Variants in SZT2 observed in about 807,000 individuals in gnomAD.
The protein encoded by SZT2 is SZT2 subunit of KICSTOR complex.
In SZT2, 216 loss-of-function variants were observed where a neutral mutation model predicts 404.2. The observed-to-expected ratio is 0.53, with a 90% CI of 0.48 to 0.60. SZT2 has a LOEUF of 0.60. Ranked by LOEUF, SZT2 falls within the 20% of genes least tolerant of loss-of-function variation. SZT2 has a pLI of 0.00. For missense variants in SZT2, 3,857 were observed against 4,459.2 expected, an observed-to-expected ratio of 0.86 and a Z score of 3.85; for synonymous variants, 1,693 against 1,749.9, an observed-to-expected ratio of 0.97 and a Z score of 0.81.
At chr1:43,438,107 TG>T (rs1253819415) in intron 46 of SZT2, 7 of 557,012 alleles carry the variant, frequency 1.3e-5, no homozygotes, top group Non-Finnish European at 1.9e-5. Flanking sequence ...TACTCTGCCC[TG>T]GGTCCCTCCT....
intron 41 of SZT2, among the ~76,000 whole-genome samples, chr1:43,434,941 A>T (rs920724438): frequency 2.0e-5 from 3 of 152,240 alleles, no homozygotes; most frequent in African/African-American, 7.2e-5. Context: ...TATCAGGGAA[A>T]GCTTCTTAGA....
Position 43,428,607 on chromosome 1 carries a change from G to C in SZT2, c.4166+121G>C, listed in dbSNP as rs187128051. The C allele has an allele frequency of 3.1e-5, 44 of 1,397,132 alleles. No homozygotes were observed. In the African/African-American group the frequency reaches 6.1e-4, roughly 20 times the overall value. 86.5% of individuals were successfully genotyped at this position (1,397,132 alleles called of 1,614,324 possible). A position where few individuals can be genotyped will look rare whatever the true frequency, so the allele number is the denominator to read the frequency against. On this transcript the variant is annotated intron_variant, in intron 28 of 71. Transcript: ENST00000634258. ...GTATCTAAGCACCTGAGAAGCAGTA[G>C]TGCTTTGTCGCCGGCTCACGGACTC... is the stretch of plus-strand genomic sequence containing the variant.
chr1:43,404,726 T>C, intron 4 of SZT2, 176 bp downstream of exon 4: 1 of 617,026 alleles, frequency 1.6e-6, no homozygotes, highest in South Asian at 2.5e-5. Context: ...AACCAGTTCC[T>C]CTGGACTTAA....
Position 43,447,080 on chromosome 1 carries a change from G to T in SZT2, c.9198G>T (p.Arg3066=). ...QHVLGAHLVL[R]HGYHLTTFLR... is the part of the protein sequence containing the mutation. ...TGCTAGGTGCCCATCTGGTGCTGCG[G>T]CACGGCTACCACCTCACCACCTTTC... The change falls in exon 66 of 72, where the codon CGG becomes CGT. Residue 3066 remains arginine, a synonymous_variant. Transcript: ENST00000634258. 6.2e-7 allele frequency: 1 copy of T among 1,613,952 alleles called. No individual in the cohort carries two copies. The highest frequency in any genetic ancestry group is 2.2e-5 in the East Asian group (1 of 44,888).
Position 43,439,925 on chromosome 1 carries a change from G to A in SZT2, c.7087G>A (p.Gly2363Arg), listed in dbSNP as rs1557587748. The A allele has an allele frequency of 6.2e-7, 1 of 1,612,152 alleles. No homozygotes were observed. Among genetic ancestry groups the A allele is most frequent in the Admixed American group, 1.7e-5 (1 of 59,752 alleles). Residue 2363 changes from glycine to arginine, a missense_variant, in exon 51 of 72, where the codon GGG becomes AGG. By Grantham distance (125) the Gly-to-Arg change is moderately radical. This residue lies in a region of SZT2 where 573 missense variants were observed against 592.4 expected (regional missense o/e 0.97). Transcript: ENST00000634258. The surrounding 1 kb of genome is among the most constrained non-coding windows in gnomAD (Gnocchi z 4.2). ...PRLRLDVWEK[G>R]NISIVQLEEK... Reference sequence around the variant, plus strand: ...GCTTCGATTGGATGTGTGGGAAAAGGGGAACATTAGTATTGTGCAGCTGGA... The same window carrying A: ...GCTTCGATTGGATGTGTGGGAAAAGAGGAACATTAGTATTGTGCAGCTGGA...
chr1:43,404,273 G>C, intron 3 of SZT2, 107 bp from the exon 4 acceptor site: 1 of 941,814 alleles, frequency 1.1e-6, no homozygotes, highest in Admixed American at 2.3e-5. Flanking sequence ...TTGGGTGTGC[G>C]ATCATCCATA....
At chr1:43,432,234 G>A in intron 36 of SZT2, 38 bp from the exon 37 acceptor site, 2 of 1,521,590 alleles carry the variant, frequency 1.3e-6, no homozygotes, top group Non-Finnish European at 1.8e-6. Flanking sequence ...AGGGAGGACT[G>A]CCCTGCCTAA....
chr1:43,427,509 C>T lies in SZT2; in HGVS notation c.3599-21C>T, dbSNP rs202089608. Reference sequence around the variant, plus strand: ...GGAAACAGATAGAGCTGGAAGACCACGTGACACCTTTTCTTCACAGACAAT... The same window carrying T: ...GGAAACAGATAGAGCTGGAAGACCATGTGACACCTTTTCTTCACAGACAAT... On this transcript the variant is annotated intron_variant, in intron 25 of 71. Coordinates refer to ENST00000634258, the MANE Select transcript of SZT2 (RefSeq NM_001365999.1). The T allele has an allele frequency of 1.2e-4, 198 of 1,614,050 alleles. 1 individual carries two copies. Among genetic ancestry groups the T allele is most frequent in the Middle Eastern group, 6.6e-4 (4 of 6,062 alleles).
Position 43,448,484 on chromosome 1 carries a change from G to C in SZT2, c.9969G>C (p.Leu3323=). ...AKSIGDIDPQ[L]DCFLSMTVSW... Reference sequence around the variant, plus strand: ...CCATTGGGGACATCGACCCCCAGCTGGTAAGGAACTGTGGGCTCCCGAAAG... The same window carrying C: ...CCATTGGGGACATCGACCCCCAGCTCGTAAGGAACTGTGGGCTCCCGAAAG... Residue 3323 remains leucine, a splice_region_variant and synonymous_variant, in exon 69 of 72, where the codon CTG becomes CTC. Transcript: ENST00000634258. This position sits in a 1 kb window ranked among gnomAD's most constrained non-coding sequence, Gnocchi z 4.2. 1 of 1,608,658 alleles carries C rather than the reference G, an allele frequency of 6.2e-7. No individual in the cohort carries two copies. The highest frequency in any genetic ancestry group is 8.5e-7 in the Non-Finnish European group (1 of 1,177,314).
chr1:43,394,080 A>G (rs1648712555), intron 1 of SZT2: 1 of 985,298 alleles, frequency 1.0e-6, no homozygotes, highest in Non-Finnish European at 1.2e-6. Context: ...AGGAGGATTC[A>G]TATGAGGACT....
chr1:43,435,162 G>C, intron 41 of SZT2, 38 bp from the exon 42 acceptor site: 1 of 1,608,764 alleles, frequency 6.2e-7, no homozygotes, highest in Non-Finnish European at 8.5e-7. Context: ...CTTAGGAGGA[G>C]GTATTTCAGT....
chr1:43,440,125 A>G, intron 51 of SZT2, 77 bp downstream of exon 51: 1 of 1,581,652 alleles, frequency 6.3e-7, no homozygotes, highest in Non-Finnish European at 8.6e-7. Context: ...GTGAGCGTGC[A>G]AAGGTGGGGT....
At chr1:43,396,153 T>C (rs185021328) in intron 1 of SZT2, among the ~76,000 whole-genome samples, 18 of 152,366 alleles carry the variant, frequency 1.2e-4, no homozygotes, top group African/African-American at 4.3e-4. Flanking sequence ...TGTTCCATTC[T>C]GGTCCCCACA....
chr1:43,450,328 TC>T lies in SZT2; in HGVS notation c.10156-5del. The T allele has an allele frequency of 6.2e-7, 1 of 1,614,004 alleles. No individual in the cohort carries two copies. Among genetic ancestry groups the T allele is most frequent in the Non-Finnish European group, 8.5e-7 (1 of 1,179,960 alleles). ...TCTCACCAGTGCATCCCCACCGTGTTCCCCACAGTCTCTGACAGTGGTTTTC... is the reference window on the plus strand; with the variant it reads ...TCTCACCAGTGCATCCCCACCGTGTTCCCACAGTCTCTGACAGTGGTTTTC... On this transcript the variant is annotated splice_region_variant and splice_polypyrimidine_tract_variant and intron_variant, in intron 71 of 71. Coordinates refer to ENST00000634258, the MANE Select transcript of SZT2 (RefSeq NM_001365999.1). This position sits in a 1 kb window ranked among gnomAD's most constrained non-coding sequence, Gnocchi z 4.3.
chr1:43,440,399 T>C, intron 51 of SZT2, 54 bp from the exon 52 acceptor site: 1 of 1,521,402 alleles, frequency 6.6e-7, no homozygotes, highest in Non-Finnish European at 8.8e-7. Context: ...TTCAGTTTTC[T>C]AGAATGGGGA....
At chr1:43,404,757 G>A (rs946042976) in intron 4 of SZT2, 7 of 489,168 alleles carry the variant, frequency 1.4e-5, no homozygotes, top group African/African-American at 7.9e-5. Flanking sequence ...TATAGACTTC[G>A]GGTCAGTTGG....
chr1:43,420,353 C>G lies in SZT2; in HGVS notation c.1261+30C>G. On this transcript the variant is annotated intron_variant, in intron 9 of 71. Coordinates refer to ENST00000634258, the MANE Select transcript of SZT2 (RefSeq NM_001365999.1). This position sits in a 1 kb window ranked among gnomAD's most constrained non-coding sequence, Gnocchi z 5.1. ...GGGTCATTAGGCCCTGCTGTAATCC[C>G]ATAGATCTCTCAAGAATTTGTGTGT... 2 of 1,527,550 alleles carry G rather than the reference C, an allele frequency of 1.3e-6. No homozygotes were observed. The highest frequency in any genetic ancestry group is 2.1e-5 in the Admixed American group (1 of 48,390). The allele number at this position is 1,527,550 out of a possible 1,614,324, so 94.6% of individuals were successfully genotyped here. A position where few individuals can be genotyped will look rare whatever the true frequency, so the allele number is the denominator to read the frequency against.
chr1:43,408,642 G>T (rs548503271), intron 4 of SZT2, among the ~76,000 whole-genome samples: 1 of 152,228 alleles, frequency 6.6e-6, no homozygotes, highest in East Asian at 1.9e-4. Flanking sequence ...TTGAAAATGT[G>T]ATTTTTAATG....
chr1:43,414,539 G>T (rs1480460770), intron 4 of SZT2, among the ~76,000 whole-genome samples: 1 of 151,966 alleles, frequency 6.6e-6, no homozygotes, highest in Non-Finnish European at 1.5e-5. Context: ...CAATTCTCTT[G>T]CCTCCCAAGT....
Sources: allele counts gnomAD v4.1 joint callset (sites outside exome capture counted in the v4.1 genomes callset), GRCh38; gene constraint gnomAD v4.1.1; regional missense constraint gnomAD v4.1.1; non-coding constraint Gnocchi (gnomAD v3.1); transcripts MANE v1.5; gene names NCBI Gene and HGNC (gene_info 2026-07-23, HGNC 2026-07-21).